The following DAB1 variants were observed in gnomAD, a reference collection of about 807,000 sequenced individuals.
DAB1 encodes the protein disabled homolog 1.
In DAB1, 15 loss-of-function variants were observed where a neutral mutation model predicts 64.6. The ratio of observed to expected loss-of-function variants is 0.23; its 90% CI spans 0.16 to 0.36. The LOEUF (loss-of-function observed/expected upper bound fraction) is 0.36, where lower values mean the gene tolerates loss of function less well. Ranked by LOEUF, DAB1 falls within the 10% of genes least tolerant of loss-of-function variation. The pLI is 1.00. For missense variants in DAB1, 596 were observed against 706.7 expected (o/e 0.84, Z 1.78); for synonymous variants, 235 against 251.9 (o/e 0.93, Z 0.64).
At chr1:57,653,107 C>CTGA in intron 6 of DAB1, among the ~76,000 whole-genome samples, 1 of 152,308 alleles carries the variant, frequency 6.6e-6, no homozygotes, top group South Asian at 2.1e-4. Flanking sequence ...AACTTATGTA[C>CTGA]TGATACCAGC....
At chr1:58,472,689 T>C (rs983383488) in intron 3 of DAB1, among the ~76,000 whole-genome samples, 5 of 152,228 alleles carry the variant, frequency 3.3e-5, no homozygotes, top group Admixed American at 6.5e-5. Flanking sequence ...AGGTGGGTAA[T>C]GGCTGGTTAT....
chr1:57,290,832 A>G (rs1180404494), intron 2 of DAB1, 132 bp downstream of exon 2: 2 of 569,606 alleles, frequency 3.5e-6, no homozygotes, highest in Non-Finnish European at 6.0e-6. Flanking sequence ...TATTATTAAC[A>G]CAAAACACAC....
chr1:58,035,845 C>T (rs924560010), intron 5 of DAB1, among the ~76,000 whole-genome samples: 1 of 152,180 alleles, frequency 6.6e-6, no homozygotes, highest in Non-Finnish European at 1.5e-5. Flanking sequence ...AGGAAAACTG[C>T]AGCTTTGGGA....
intron 4 of DAB1, among the ~76,000 whole-genome samples, chr1:57,120,705 A>G (rs1229557950): frequency 2.0e-5 from 3 of 152,320 alleles, no homozygotes; most frequent in Admixed American, 2.0e-4. Flanking sequence ...AAGAAGACTC[A>G]TATAATATTT....
At chr1:58,544,107 C>T (rs60179866) in intron 1 of DAB1, among the ~76,000 whole-genome samples, 2,515 of 152,290 alleles carry the variant, frequency 0.017, 56 homozygotes, top group East Asian at 0.12. Flanking sequence ...TTTGAACTTG[C>T]TGTGGCCAAA....
chr1:57,626,505 A>G (rs542635703), intron 7 of DAB1, among the ~76,000 whole-genome samples: 1 of 152,362 alleles, frequency 6.6e-6, no homozygotes, highest in East Asian at 1.9e-4. Context: ...GCTGGCAGCT[A>G]GCGAAACTGG....
chr1:57,212,431 G>C (rs1349925736), intron 2 of DAB1, among the ~76,000 whole-genome samples: 1 of 126,610 alleles, frequency 7.9e-6, no homozygotes, highest in East Asian at 2.4e-4. Flanking sequence ...GCAGTGGCGC[G>C]ATCTCAGCTC....
At chr1:57,563,568 G>A (rs1408322123) in intron 7 of DAB1, among the ~76,000 whole-genome samples, 1 of 152,148 alleles carries the variant, frequency 6.6e-6, no homozygotes, top group East Asian at 1.9e-4. Context: ...GATGGCACCT[G>A]GAAAATTGGG....
At chr1:57,360,197 C>T (rs575733104) in intron 1 of DAB1, among the ~76,000 whole-genome samples, 16 of 151,856 alleles carry the variant, frequency 1.1e-4, no homozygotes, top group African/African-American at 2.2e-4. Context: ...GATTAAAATA[C>T]GCAATGTTAG....
At chr1:58,484,137 G>A (rs1221419399) in intron 3 of DAB1, among the ~76,000 whole-genome samples, 1 of 152,204 alleles carries the variant, frequency 6.6e-6, no homozygotes, top group Admixed American at 6.5e-5. Context: ...TGAGTAAGGT[G>A]CTAGGTACAC....
At chr1:57,279,944 G>A (rs572030519) in intron 2 of DAB1, among the ~76,000 whole-genome samples, 30 of 152,206 alleles carry the variant, frequency 2.0e-4, no homozygotes, top group African/African-American at 7.0e-4. Context: ...TCAACCTAAA[G>A]GCATTACTAT....
chr1:58,076,747 C>T (rs1384115504), intron 5 of DAB1, among the ~76,000 whole-genome samples: 3 of 152,154 alleles, frequency 2.0e-5, no homozygotes, highest in Non-Finnish European at 2.9e-5. Flanking sequence ...ATCTATTTCC[C>T]CTCCTCCTCG....
chr1:57,748,116 C>T lies in DAB1; in HGVS notation n.552-98451G>A, dbSNP rs115332769. Among the ~76,000 whole-genome samples the T allele has an allele frequency of 7.6e-3, 1,161 of 152,258 alleles. 10 individuals are homozygous for T. The highest frequency in any genetic ancestry group is 0.012 in the Non-Finnish European group (786 of 68,020). On this transcript the variant is annotated intron_variant and non_coding_transcript_variant, in intron 6 of 20. Coordinates refer to the DAB1 transcript ENST00000485760. The stretch of plus-strand genomic sequence containing the variant: ...GACACTTGAGAAGAGGCATAACCCT[C>T]ATTAAAATGTCTAGGATACAGAGTG...
chr1:57,072,744 T>A (rs966372993), intron 4 of DAB1, among the ~76,000 whole-genome samples: 2 of 152,216 alleles, frequency 1.3e-5, no homozygotes, highest in Non-Finnish European at 2.9e-5. Context: ...CACATCCCAG[T>A]CCAACTTTTG....
chr1:57,918,680 C>T (rs183103619), intron 5 of DAB1, among the ~76,000 whole-genome samples: 4 of 152,060 alleles, frequency 2.6e-5, no homozygotes, highest in South Asian at 2.1e-4. Context: ...AAAAATTAGC[C>T]GGGCATGGTG....
intron 2 of DAB1, among the ~76,000 whole-genome samples, chr1:57,249,920 A>T (rs1025110148): frequency 1.3e-5 from 2 of 152,184 alleles, no homozygotes; most frequent in African/African-American, 4.8e-5. Flanking sequence ...TGCTTGCATT[A>T]ATTTTATTTT....
intron 3 of DAB1, among the ~76,000 whole-genome samples, chr1:58,477,670 G>A (rs1371910824): frequency 6.6e-6 from 1 of 152,088 alleles, no homozygotes; most frequent in Non-Finnish European, 1.5e-5. Context: ...TGCAACCCTG[G>A]GAGCTACTGG....
intron 1 of DAB1, among the ~76,000 whole-genome samples, chr1:57,348,229 T>C (rs527308984): frequency 5.1e-4 from 77 of 152,284 alleles, no homozygotes; most frequent in Non-Finnish European, 7.2e-4. Flanking sequence ...CACTTGTCCC[T>C]GCCCCTAGAG....
chr1:58,237,366 T>A (rs1660089263), intron 4 of DAB1, among the ~76,000 whole-genome samples: 1 of 152,200 alleles, frequency 6.6e-6, no homozygotes, highest in South Asian at 2.1e-4. Context: ...TATTCCAAGC[T>A]GATTTTTGAC....
Sources: gnomAD v4.1 joint callset for allele counts (sites outside exome capture counted in the v4.1 genomes callset) on GRCh38, gnomAD v4.1.1 for gene constraint, MANE v1.5 for transcripts, NCBI Gene and HGNC (gene_info 2026-07-23, HGNC 2026-07-21) for gene names.